BAHCC1: variants seen among roughly 807,000 people sequenced by gnomAD.
BAHCC1 encodes BAH domain and coiled-coil containing 1.
Under a neutral mutation model 88.2 loss-of-function variants are expected in BAHCC1, and 43 were observed. The ratio of observed to expected loss-of-function variants is 0.49; its 90% CI spans 0.38 to 0.63. The LOEUF is 0.63. BAHCC1 is among the 20% of genes least tolerant of loss of function. The probability of loss-of-function intolerance (pLI) is 0.00; values close to 1 mark genes in which losing one functional copy is unlikely to be tolerated. For synonymous variants in BAHCC1, 1,510 were observed against 745.5 expected (o/e 2.03, Z -16.71); for missense variants, 3,023 against 1,654.8 (o/e 1.83, Z -14.34).
At chr17:81,410,971 C>T (rs1429828051) in intron 2 of BAHCC1, 1 of 441,348 alleles carries the variant, frequency 2.3e-6, no homozygotes, top group Non-Finnish European at 4.5e-6. Flanking sequence ...CTAGGTCCCT[C>T]CCATGAAAGG....
At chr17:81,438,171 G>A (rs942486506) in intron 3 of BAHCC1, among the ~76,000 whole-genome samples, 199 bp from the exon 4 acceptor site, 2 of 152,328 alleles carry the variant, frequency 1.3e-5, no homozygotes, top group South Asian at 2.1e-4. Context: ...AATTTGTGCC[G>A]CACCGGAGGG....
At chr17:81,440,421 C>G (rs578068653) in intron 4 of BAHCC1, among the ~76,000 whole-genome samples, 2 of 152,244 alleles carry the variant, frequency 1.3e-5, no homozygotes, top group African/African-American at 4.8e-5. Flanking sequence ...AGCCCCTTCC[C>G]GCTCCCCTTC....
In BAHCC1 at chr17:81,442,758, A is replaced by G. The variant is rs2064446111; in HGVS notation, c.1409A>G (p.Tyr470Cys). 2 of 779,312 alleles carry G rather than the reference A, an allele frequency of 2.6e-6. No individual in the cohort carries two copies. The highest frequency in any genetic ancestry group is 2.3e-4 in the Middle Eastern group (1 of 4,442). 48.3% of individuals were successfully genotyped at this position (779,312 alleles called of 1,614,324 possible). ...AACCCCCGGCTAAAGGGCCTCGACT[A>G]TCTCAGCAGCGCAGGCCCCGAGGCC... ...ALNPRLKGLD[Y>C]LSSAGPEASF... Residue 470 changes from tyrosine (Y) to cysteine (C), a missense_variant, in exon 5 of 28, where the codon TAT (tyrosine) becomes TGT (cysteine). Coordinates refer to ENST00000675386, the MANE Select transcript of BAHCC1 (RefSeq NM_001377448.1).
At position 81,458,365 on chromosome 17, in the gene BAHCC1, C is replaced by T. The variant is rs782045563; in HGVS notation, c.5242C>T (p.Pro1748Ser). ...ATPSRDALFN[P>S]SRAFACREEG... ...CCCCAGCAGGGACGCCCTCTTCAAC[C>T]CCTCTCGGGCCTTCGCCTGCCGTGA... The change falls in exon 18 of 28, where the codon CCC becomes TCC. Residue 1748 changes from proline to serine, a missense_variant. By Grantham distance (74) the Pro-to-Ser change is moderately conservative. Coordinates refer to ENST00000675386, the MANE Select transcript of BAHCC1 (RefSeq NM_001377448.1). The T allele has an allele frequency of 8.3e-5, 60 of 727,158 alleles. 1 individual carries two copies. Among genetic ancestry groups the T allele is most frequent in the South Asian group, 8.2e-4 (56 of 68,370 alleles). The allele number at this position is 727,158 out of a possible 1,614,324, so 45.0% of individuals were successfully genotyped here. A position where few individuals can be genotyped will look rare whatever the true frequency, so the allele number is the denominator to read the frequency against.
At chr17:81,425,769 T>A (rs536522113) in intron 2 of BAHCC1, among the ~76,000 whole-genome samples, 74 of 117,564 alleles carry the variant, frequency 6.3e-4, no homozygotes, top group African/African-American at 2.4e-3. Flanking sequence ...TTGGTGGTGA[T>A]GTGGTTGGTG....
intron 2 of BAHCC1, among the ~76,000 whole-genome samples, chr17:81,417,555 A>ACCCCCCCCCCCCCC (rs58215427): frequency 2.3e-5 from 3 of 131,390 alleles, no homozygotes; most frequent in African/African-American, 9.4e-5. Flanking sequence ...AGCGTCGGCC[A>ACCCCCCCCCCCCCC]CCCCCCCCCC....
At chr17:81,401,870 G>A (rs531562028) in intron 2 of BAHCC1, 2 of 152,608 alleles carry the variant, frequency 1.3e-5, no homozygotes, top group South Asian at 2.1e-4. Context: ...GCCAGGTCCA[G>A]GCCAGCTGCA....
intron 4 of BAHCC1, 116 bp from the exon 5 acceptor site, chr17:81,441,715 A>AACC (rs1315509322): frequency 2.1e-6 from 1 of 474,996 alleles, no homozygotes; most frequent in Non-Finnish European, 3.8e-6. Flanking sequence ...CCTAGGCTGT[A>AACC]ACCTGGAGTC....
At position 81,451,959 on chromosome 17, in the gene BAHCC1, C is replaced by A; in HGVS notation, c.4180-12C>A. On this transcript the variant is annotated splice_polypyrimidine_tract_variant and intron_variant, in intron 12 of 27. Transcript: ENST00000675386. The stretch of plus-strand genomic sequence containing the variant: ...TGGCCCGGCTCACAGGCCCCTGTGC[C>A]CCCCCCACCAGGTGTGCCCCCTGAA... The A allele has an allele frequency of 1.6e-6, 1 of 619,106 alleles. No individual in the cohort carries two copies. Among genetic ancestry groups the A allele is most frequent in the East Asian group, 2.8e-5 (1 of 35,772 alleles). 38.4% of individuals were successfully genotyped at this position (619,106 alleles called of 1,614,324 possible). A position where few individuals can be genotyped will look rare whatever the true frequency, so the allele number is the denominator to read the frequency against.
In BAHCC1 at chr17:81,435,164, C is replaced by G. The variant is rs555447376; in HGVS notation, c.359-3206C>G. On this transcript the variant is annotated intron_variant, in intron 3 of 27. Coordinates refer to ENST00000675386, the MANE Select transcript of BAHCC1 (RefSeq NM_001377448.1). This position sits in a 1 kb window ranked among gnomAD's most constrained non-coding sequence, Gnocchi z 4.4. ...GCCCACACCACAGGCCTCCTACCTG[C>G]AACCCTTGACCTCCCCAGACGTGGT... Among the ~76,000 whole-genome samples the G allele has an allele frequency of 9.2e-5, 14 of 152,220 alleles. No homozygotes were observed. Among genetic ancestry groups the G allele is most frequent in the African/African-American group, 1.4e-4 (6 of 41,544 alleles).
At position 81,419,788 on chromosome 17, in the gene BAHCC1, C is replaced by CTTTTTTTTTTTTTTTTTTT. The variant is rs781909536; in HGVS notation, c.179-7012_179-7011insTTTTTTTTTTTTTTTTTTT. Among the ~76,000 whole-genome samples the CTTTTTTTTTTTTTTTTTTT allele has an allele frequency of 2.0e-5, 2 of 102,310 alleles. 1 individual carries two copies. 67.1% of individuals were successfully genotyped at this position (102,310 alleles called of 152,430 possible). On this transcript the variant is annotated intron_variant, in intron 2 of 27. Transcript: ENST00000675386. ...TGGAGCTGCCGCCATCTCAACGAGG[C>CTTTTTTTTTTTTTTTTTTT]GTTTTTTTTTTTTTTTTTTTTTACA... is the stretch of plus-strand genomic sequence containing the variant.
At chr17:81,431,863 A>G (rs2064264681) in intron 3 of BAHCC1, among the ~76,000 whole-genome samples, 2 of 152,160 alleles carry the variant, frequency 1.3e-5, no homozygotes, top group South Asian at 2.1e-4. Flanking sequence ...TCCAGGAGCC[A>G]GGGACTTAGC....
intron 2 of BAHCC1, among the ~76,000 whole-genome samples, chr17:81,407,801 C>T (rs782647837): frequency 1.3e-5 from 2 of 152,240 alleles, no homozygotes; most frequent in African/African-American, 4.8e-5. Flanking sequence ...TGGCAACATA[C>T]ACCTGCTCCT....
chr17:81,444,257 A>G (rs2064479042), intron 6 of BAHCC1, 124 bp from the exon 7 acceptor site: 1 of 616,692 alleles, frequency 1.6e-6, no homozygotes, highest in Non-Finnish European at 2.9e-6. Context: ...TGGGACAGGG[A>G]GTCAGGCATT....
intron 2 of BAHCC1, among the ~76,000 whole-genome samples, chr17:81,418,180 G>T (rs1473725034): frequency 2.6e-5 from 4 of 152,256 alleles, no homozygotes; most frequent in African/African-American, 4.8e-5. Context: ...CGGACATCTG[G>T]TGGCAGCAGG....
At position 81,460,287 on chromosome 17, in the gene BAHCC1, T is replaced by C; in HGVS notation, c.5916T>C (p.Gly1972=). 1.3e-6 allele frequency: 1 copy of C among 771,848 alleles called. No homozygotes were observed. Among genetic ancestry groups the C allele is most frequent in the Non-Finnish European group, 2.4e-6 (1 of 414,368 alleles). 47.8% of individuals were successfully genotyped at this position (771,848 alleles called of 1,614,324 possible). ...GTGTGCCGTCCACAGGGGCCTCCGG[T>C]GACGAAGATGAGGACCTGGACTCAG... ...YPGNVVRGAS[G]DEDEDLDSVV... is the part of the protein sequence containing the mutation. Residue 1972 remains glycine, a synonymous_variant, in exon 24 of 28, where the codon GGT becomes GGC. Transcript: ENST00000675386.
In BAHCC1 at chr17:81,411,514, GCCTTCCTTCCTTCCTTCCTTCCTT is replaced by G. The variant is rs781952131; in HGVS notation, c.178+11634_178+11657del. The G allele has an allele frequency of 7.5e-5, 14 of 185,838 alleles. No individual in the cohort carries two copies. Among genetic ancestry groups the G allele is most frequent in the African/African-American group, 2.1e-4 (4 of 19,240 alleles). The allele number at this position is 185,838 out of a possible 1,614,324, so 11.5% of individuals were successfully genotyped here. On this transcript the variant is annotated intron_variant, in intron 2 of 27. Transcript: ENST00000675386. This position sits in a 1 kb window ranked among gnomAD's most constrained non-coding sequence, Gnocchi z 6.2. ...TGCCTGCCTGCCTGCCTGCCTGCCTGCCTTCCTTCCTTCCTTCCTTCCTTCCTTCCTTCCTTCCTTCCTTCCTTC... is the reference window on the plus strand; with the variant it reads ...TGCCTGCCTGCCTGCCTGCCTGCCTGCCTTCCTTCCTTCCTTCCTTCCTTC...
At chr17:81,415,117 G>A (rs1231163255) in intron 2 of BAHCC1, among the ~76,000 whole-genome samples, 4 of 152,220 alleles carry the variant, frequency 2.6e-5, no homozygotes, top group East Asian at 1.9e-4. Flanking sequence ...GGCTGGGGAC[G>A]GGCCCGGGCG....
chr17:81,451,505 G>T (rs976407235), intron 11 of BAHCC1, among the ~76,000 whole-genome samples, 163 bp from the exon 12 acceptor site: 11 of 152,290 alleles, frequency 7.2e-5, no homozygotes, highest in Middle Eastern at 6.8e-3. Flanking sequence ...AAACAGGGGT[G>T]CTGGGTGTCA....
Sources: allele counts gnomAD v4.1 joint callset (sites outside exome capture counted in the v4.1 genomes callset), GRCh38; gene constraint gnomAD v4.1.1; non-coding constraint Gnocchi (gnomAD v3.1); transcripts MANE v1.5; gene names NCBI Gene and HGNC (gene_info 2026-07-23, HGNC 2026-07-21).